PCDHA1: variants seen among roughly 807,000 people sequenced by gnomAD.
PCDHA1 encodes the protein protocadherin alpha-1.
Under a neutral mutation model 61.3 loss-of-function variants are expected in PCDHA1, and 42 were observed. The observed-to-expected ratio is 0.69, with a 90% CI of 0.54 to 0.89. The LOEUF (loss-of-function observed/expected upper bound fraction) is 0.89, where lower values mean the gene tolerates loss of function less well. PCDHA1 is among the 40% of genes least tolerant of loss of function. The probability of loss-of-function intolerance (pLI) is 0.00; values close to 1 mark genes in which losing one functional copy is unlikely to be tolerated. For missense variants in PCDHA1, 1,256 were observed against 1,235.3 expected (o/e 1.02, Z -0.25); for synonymous variants, 610 against 553.8 (o/e 1.10, Z -1.43).
chr5:140,863,194 T>C (rs537580785), intron 1 of PCDHA1: 17 of 849,862 alleles, frequency 2.0e-5, no homozygotes, highest in African/African-American at 1.9e-4. Flanking sequence ...CGTGGTGGCG[T>C]CGCTGGCGGA....
intron 1 of PCDHA1, among the ~76,000 whole-genome samples, chr5:140,827,413 C>T (rs1769282233): frequency 6.6e-6 from 1 of 152,162 alleles, no homozygotes; most frequent in African/African-American, 2.4e-5. Flanking sequence ...AAAGAATATG[C>T]TCTAGAATTT....
chr5:140,924,712 T>C (rs1481544117), intron 1 of PCDHA1, among the ~76,000 whole-genome samples: 1 of 151,870 alleles, frequency 6.6e-6, no homozygotes, highest in African/African-American at 2.4e-5. Context: ...TTGTGCAACA[T>C]GGCGAAACCT....
At chr5:141,001,957 G>A in intron 3 of PCDHA1, among the ~76,000 whole-genome samples, 1 of 152,294 alleles carries the variant, frequency 6.6e-6, no homozygotes, top group African/African-American at 2.4e-5. Flanking sequence ...AGGAGGGAGA[G>A]GCGGGGTGTC....
chr5:140,835,615 G>A, intron 1 of PCDHA1: 1 of 1,613,924 alleles, frequency 6.2e-7, no homozygotes, highest in South Asian at 1.1e-5. Flanking sequence ...GTGCTGGACA[G>A]CGCTCTGGAC....
intron 1 of PCDHA1, among the ~76,000 whole-genome samples, chr5:140,935,985 C>T (rs155825): frequency 0.32 from 47,782 of 150,880 alleles, 7,901 homozygotes; most frequent in East Asian, 0.53. Context: ...CTCTGCCTCC[C>T]GGGTTCAAGC....
intron 1 of PCDHA1, among the ~76,000 whole-genome samples, chr5:140,972,775 T>C (rs1277210789): frequency 6.6e-6 from 1 of 151,656 alleles, no homozygotes; most frequent in Non-Finnish European, 1.5e-5. Context: ...GTGATTCTTC[T>C]GCCTCAGCCT....
intron 1 of PCDHA1, chr5:140,823,622 G>A: frequency 6.2e-7 from 1 of 1,614,026 alleles, no homozygotes; most frequent in Middle Eastern, 1.7e-4. Context: ...GCGCCTGGCA[G>A]TGCGCGCATC....
intron 1 of PCDHA1, chr5:140,883,607 G>A (rs782736793): frequency 6.2e-7 from 1 of 1,613,968 alleles, no homozygotes; most frequent in Non-Finnish European, 8.5e-7. Context: ...GGGGGTGGCC[G>A]ACGTGAACGA....
intron 1 of PCDHA1, among the ~76,000 whole-genome samples, chr5:140,917,890 T>C (rs782473137): frequency 1.3e-5 from 2 of 152,098 alleles, no homozygotes; most frequent in Non-Finnish European, 2.9e-5. Context: ...TTTTTTTCCA[T>C]ATGAATGTTA....
intron 1 of PCDHA1, among the ~76,000 whole-genome samples, chr5:140,872,031 C>A (rs1383565952): frequency 6.6e-6 from 1 of 152,220 alleles, no homozygotes; most frequent in Non-Finnish European, 1.5e-5. Context: ...AACTGCTAAG[C>A]TCAAAGAATT....
chr5:140,989,517 G>A (rs782479733), intron 3 of PCDHA1, among the ~76,000 whole-genome samples: 4 of 152,186 alleles, frequency 2.6e-5, no homozygotes, highest in Non-Finnish European at 5.9e-5. Flanking sequence ...CCTGAGTTGA[G>A]GGCAGAGGAG....
intron 1 of PCDHA1, chr5:140,863,175 C>T (rs1562576204): frequency 1.4e-6 from 1 of 718,568 alleles, no homozygotes; most frequent in South Asian, 1.3e-5. Context: ...CGCTGACTGC[C>T]ACCGTCACCG....
At position 140,884,500 on chromosome 5, in the gene PCDHA1, G is replaced by T. The variant is rs782378726; in HGVS notation, c.2395-94449G>T. 34 of 1,614,122 alleles carry T rather than the reference G, an allele frequency of 2.1e-5. No homozygotes were observed. The South Asian group carries it at 2.5e-4, about 12-fold the overall frequency. On this transcript the variant is annotated intron_variant, in intron 1 of 3. Coordinates refer to ENST00000504120, the MANE Select transcript of PCDHA1 (RefSeq NM_018900.4). ...AGCCCACTCTAGTGTGCTCCAGCGC[G>T]GCAGGGAGTTGGTCGTACTCGCAGC...
intron 1 of PCDHA1, chr5:140,803,693 G>A (rs782316183): frequency 1.9e-6 from 3 of 1,543,450 alleles, no homozygotes; most frequent in Non-Finnish European, 8.8e-7. Context: ...TGAATTATGT[G>A]ATTCATAATT....
At chr5:140,823,381 G>A (rs2150125254) in intron 1 of PCDHA1, 1 of 1,612,786 alleles carries the variant, frequency 6.2e-7, no homozygotes, top group Non-Finnish European at 8.5e-7. Context: ...CCAGGTGAGC[G>A]CGCGCGACGC....
In PCDHA1 at chr5:140,786,483, C is replaced by T. The variant is rs1554117407; in HGVS notation, c.193C>T (p.Arg65Trp). 1.9e-6 allele frequency: 3 copies of T among 1,613,630 alleles called. No individual in the cohort carries two copies. The highest frequency in any genetic ancestry group is 1.7e-4 in the Middle Eastern group (1 of 5,726). The change falls in exon 1 of 4, where the codon CGG (arginine) becomes TGG (tryptophan). Residue 65 changes from arginine (R) to tryptophan (W), a missense_variant. Physicochemically the swap from Arg to Trp is moderately radical, Grantham distance 101. Coordinates refer to ENST00000504120, the MANE Select transcript of PCDHA1 (RefSeq NM_018900.4). ...ELAELVPRLF[R>W]VASKTHRDLL... Reference sequence around the variant, plus strand: ...GGCGGAGCTGGTGCCTCGCCTGTTCCGGGTGGCGTCCAAAACACACAGGGA... The same window carrying T: ...GGCGGAGCTGGTGCCTCGCCTGTTCTGGGTGGCGTCCAAAACACACAGGGA...
At chr5:140,935,127 T>C (rs1223390448) in intron 1 of PCDHA1, among the ~76,000 whole-genome samples, 1 of 152,170 alleles carries the variant, frequency 6.6e-6, no homozygotes, top group Non-Finnish European at 1.5e-5. Flanking sequence ...TTATTTTTAG[T>C]GAAAGATGAT....
At chr5:140,906,829 C>T (rs2072974984) in intron 1 of PCDHA1, among the ~76,000 whole-genome samples, 1 of 152,244 alleles carries the variant, frequency 6.6e-6, no homozygotes, top group Non-Finnish European at 1.5e-5. Context: ...GAGTAGTAGA[C>T]TGATTTCATC....
chr5:140,870,206 T>G (rs1554163904), intron 1 of PCDHA1: 2 of 1,614,182 alleles, frequency 1.2e-6, no homozygotes, highest in Admixed American at 3.3e-5. Flanking sequence ...AGCACGGTCA[T>G]TGCCCTGATC....
Sources: allele counts gnomAD v4.1 joint callset (sites outside exome capture counted in the v4.1 genomes callset), GRCh38; gene constraint gnomAD v4.1.1; transcripts MANE v1.5; gene names NCBI Gene and HGNC (gene_info 2026-07-23, HGNC 2026-07-21).